The following NUMBL variants were observed in gnomAD, a reference collection of about 807,000 sequenced individuals.
NUMBL encodes the protein numb-like protein.
A neutral mutation model predicts 48.9 loss-of-function variants in NUMBL; 20 were observed. The observed-to-expected ratio is 0.41, with a 90% CI of 0.29 to 0.59. NUMBL has a LOEUF of 0.59. NUMBL is among the 20% of genes least tolerant of loss of function. NUMBL has a pLI of 0.31. For synonymous variants in NUMBL, 340 were observed against 348.7 expected (o/e 0.98, Z 0.28); for missense variants, 660 against 846.2 (o/e 0.78, Z 2.73).
chr19:40,673,563 C>T lies in NUMBL; in HGVS notation c.817G>A (p.Glu273Lys). Residue 273 changes from glutamate to lysine, a missense_variant, in exon 8 of 10, where the codon GAG (glutamate) becomes AAG (lysine). Physicochemically the swap from Glu to Lys is moderately conservative, Grantham distance 56. This residue lies in a region of NUMBL where 278 missense variants were observed against 420.6 expected (regional missense o/e 0.66). Transcript: ENST00000252891. This position sits in a 1 kb window ranked among gnomAD's most constrained non-coding sequence, Gnocchi z 5.9. ...ACAGGGGTGCCTGCCTCACCCTTCTCACCAGGGGATGTGGTGGCTGGTGTC... is the reference window on the plus strand; with the variant it reads ...ACAGGGGTGCCTGCCTCACCCTTCTTACCAGGGGATGTGGTGGCTGGTGTC... ...SPTPATTSPG[E>K]KGEAGTPVAA... The T allele has an allele frequency of 6.5e-7, 1 of 1,549,588 alleles. No individual in the cohort carries two copies. Among genetic ancestry groups the T allele is most frequent in the Non-Finnish European group, 8.7e-7 (1 of 1,145,414 alleles).
rs549116620 is a variant in NUMBL at position 40,673,240 on chromosome 19, A to G, written c.1036+104T>C. On this transcript the variant is annotated intron_variant, in intron 8 of 9. Transcript: ENST00000252891. The surrounding 1 kb of genome is among the most constrained non-coding windows in gnomAD (Gnocchi z 5.9). ...TCTCTCTCCTTTGCCCATGGCAGAC[A>G]GTGCAAATCAATCACAGTGTGAACC... is the stretch of plus-strand genomic sequence containing the variant. 21 of 1,185,204 alleles carry G rather than the reference A, an allele frequency of 1.8e-5. No homozygotes were observed. In the East Asian group the frequency reaches 2.8e-4, roughly 16 times the overall value. 73.4% of individuals were successfully genotyped at this position (1,185,204 alleles called of 1,614,324 possible). A position where few individuals can be genotyped will look rare whatever the true frequency, so the allele number is the denominator to read the frequency against.
intron 6 of NUMBL, among the ~76,000 whole-genome samples, chr19:40,677,976 G>C (rs2081886674): frequency 6.6e-6 from 1 of 152,168 alleles, no homozygotes; most frequent in Admixed American, 6.6e-5. Context: ...GTATGCAGTT[G>C]TCGAAATTCG....
chr19:40,675,744 C>T (rs751155391), intron 7 of NUMBL, among the ~76,000 whole-genome samples: 5 of 151,790 alleles, frequency 3.3e-5, no homozygotes, highest in Non-Finnish European at 5.9e-5. Flanking sequence ...CTTACACACG[C>T]GTGCACACAC....
At chr19:40,681,755 C>G (rs1389730316) in intron 5 of NUMBL, among the ~76,000 whole-genome samples, 2 of 152,136 alleles carry the variant, frequency 1.3e-5, no homozygotes, top group Non-Finnish European at 2.9e-5. Flanking sequence ...TTACTGAAAC[C>G]TCTGCCTCCT....
In NUMBL at chr19:40,687,433, C is replaced by T. The variant is rs2081940735; in HGVS notation, c.25-438G>A. On this transcript the variant is annotated intron_variant, in intron 1 of 9. Coordinates refer to ENST00000252891, the MANE Select transcript of NUMBL (RefSeq NM_004756.5). This position sits in a 1 kb window ranked among gnomAD's most constrained non-coding sequence, Gnocchi z 4.6. Reference sequence around the variant, plus strand: ...AACAGTCCCAAACCCAGAAAGCTGCCACTGTAAACATCTGGCCGCATATTC... The same window carrying T: ...AACAGTCCCAAACCCAGAAAGCTGCTACTGTAAACATCTGGCCGCATATTC... Among the ~76,000 whole-genome samples the T allele has an allele frequency of 6.6e-6, 1 of 152,182 alleles. No homozygotes were observed. The highest frequency in any genetic ancestry group is 2.1e-4 in the South Asian group (1 of 4,832).
intron 6 of NUMBL, among the ~76,000 whole-genome samples, chr19:40,679,490 C>T (rs755260981): frequency 1.8e-4 from 27 of 152,186 alleles, no homozygotes; most frequent in Non-Finnish European, 3.8e-4. Context: ...ACCAACCTGA[C>T]CTGCATGGAG....
intron 2 of NUMBL, chr19:40,685,302 A>ATG (rs57140242): frequency 0.43 from 65,283 of 151,216 alleles, 15,090 homozygotes; most frequent in African/African-American, 0.63. Flanking sequence ...GCAGAGGGGG[A>ATG]TGTGTGTGTG....
At chr19:40,671,440 G>A (rs941507078) in intron 8 of NUMBL, among the ~76,000 whole-genome samples, 3 of 152,132 alleles carry the variant, frequency 2.0e-5, no homozygotes, top group African/African-American at 4.8e-5. Flanking sequence ...CCAAATAAGC[G>A]TGCAGCTGGC....
chr19:40,680,791 T>A, intron 6 of NUMBL, 126 bp downstream of exon 6: 1 of 1,084,946 alleles, frequency 9.2e-7, no homozygotes, highest in Non-Finnish European at 1.4e-6. Context: ...GTATACTTTC[T>A]TCTCCAGATG....
intron 3 of NUMBL, 49 bp from the exon 4 acceptor site, chr19:40,683,017 A>C (rs772954538): frequency 1.3e-6 from 2 of 1,526,886 alleles, no homozygotes. Context: ...CACAGTAATC[A>C]CTCATTCTCA....
At position 40,682,904 on chromosome 19, in the gene NUMBL, T is replaced by C. The variant is rs779007265; in HGVS notation, c.314A>G (p.Lys105Arg). 36 of 1,613,836 alleles carry C rather than the reference T, an allele frequency of 2.2e-5. No individual in the cohort carries two copies. Among genetic ancestry groups the C allele is most frequent in the Non-Finnish European group, 2.7e-5 (32 of 1,179,982 alleles). Residue 105 changes from lysine (K) to arginine (R), a missense_variant, in exon 4 of 10, where the codon AAG (lysine) becomes AGG (arginine). Around this residue, in one of 3 missense-constraint regions of NUMBL, gnomAD observed 278 missense variants for 420.6 expected, o/e 0.66. Coordinates refer to ENST00000252891, the MANE Select transcript of NUMBL (RefSeq NM_004756.5). The surrounding 1 kb of genome is among the most constrained non-coding windows in gnomAD (Gnocchi z 4.0). Reference protein sequence around the residue: ...GMHVCEDAVKKLKAMGRKSVK... With the variant: ...GMHVCEDAVKRLKAMGRKSVK... ...AGCCCCCTCACTCACCGCCTTCAGC[T>C]TCTTCACCGCATCTTCACACACGTG...
chr19:40,675,753 A>G (rs1671090756), intron 7 of NUMBL, among the ~76,000 whole-genome samples: 1 of 152,158 alleles, frequency 6.6e-6, no homozygotes, highest in Admixed American at 6.6e-5. Flanking sequence ...GCGTGCACAC[A>G]CACACACACT....
chr19:40,681,247 C>G (rs1599910358), intron 5 of NUMBL, among the ~76,000 whole-genome samples, 190 bp from the exon 6 acceptor site: 1 of 152,122 alleles, frequency 6.6e-6, no homozygotes, highest in Admixed American at 6.5e-5. Context: ...ACGAGATGGG[C>G]AGCCCAGAGT....
chr19:40,678,046 T>C (rs1201124698), intron 6 of NUMBL, among the ~76,000 whole-genome samples: 4 of 152,134 alleles, frequency 2.6e-5, no homozygotes, highest in African/African-American at 7.2e-5. Context: ...TCTCTCTCAG[T>C]TCTAACGCTG....
chr19:40,674,575 C>G (rs1188022466), intron 7 of NUMBL, among the ~76,000 whole-genome samples: 1 of 152,210 alleles, frequency 6.6e-6, no homozygotes, highest in South Asian at 2.1e-4. Flanking sequence ...CAGAGAGACC[C>G]TCCCATAAGG....
At chr19:40,676,476 G>A (rs112943593) in intron 7 of NUMBL, among the ~76,000 whole-genome samples, 2 of 152,172 alleles carry the variant, frequency 1.3e-5, no homozygotes, top group African/African-American at 2.4e-5. Context: ...GAAAAGCCCT[G>A]AGAAGGCCAG....
In NUMBL at chr19:40,667,310, T is replaced by C; in HGVS notation, c.*158A>G. The C allele has an allele frequency of 9.8e-7, 1 of 1,025,448 alleles. No individual in the cohort carries two copies. The highest frequency in any genetic ancestry group is 1.4e-6 in the Non-Finnish European group (1 of 726,778). The allele number at this position is 1,025,448 out of a possible 1,614,324, so 63.5% of individuals were successfully genotyped here. ...TCCTGTTGCAACCTGGGCGTCACAA[T>C]GTTGGTTCTGTAGTGGTTGTCGGGG... On this transcript the variant is annotated 3_prime_UTR_variant, in exon 10 of 10. Transcript: ENST00000252891. This position sits in a 1 kb window ranked among gnomAD's most constrained non-coding sequence, Gnocchi z 6.1.
At chr19:40,690,195 A>T (rs2081957653) in intron 1 of NUMBL, 1 of 344,684 alleles carries the variant, frequency 2.9e-6, no homozygotes, top group South Asian at 1.5e-4. Context: ...GAATCTCTGT[A>T]CCCCTGTCCT....
chr19:40,675,589 AC>A (rs2081871712), intron 7 of NUMBL, among the ~76,000 whole-genome samples: 3 of 150,062 alleles, frequency 2.0e-5, no homozygotes, highest in Non-Finnish European at 3.0e-5. Flanking sequence ...ACACACACAC[AC>A]ACACACACAC....
Sources: gnomAD v4.1 joint callset for allele counts (sites outside exome capture counted in the v4.1 genomes callset) on GRCh38, gnomAD v4.1.1 for gene constraint, gnomAD v4.1.1 regional missense constraint, Gnocchi (gnomAD v3.1) non-coding constraint, MANE v1.5 for transcripts, NCBI Gene and HGNC (gene_info 2026-07-23, HGNC 2026-07-21) for gene names.